The following SIRT2 variants were observed in gnomAD, a reference collection of about 807,000 sequenced individuals.
The protein encoded by SIRT2 is sirtuin 2, also known as NAD-dependent protein deacetylase sirtuin-2.
Under a neutral mutation model 57.4 loss-of-function variants are expected in SIRT2, and 40 were observed. The observed-to-expected ratio is 0.70, with a 90% CI of 0.54 to 0.91. SIRT2 has a LOEUF of 0.91. SIRT2 is among the 40% of genes least tolerant of loss of function. The pLI, the probability that SIRT2 is intolerant of heterozygous loss-of-function variation, is 0.00. For missense variants in SIRT2, 439 were observed against 510.4 expected (o/e 0.86, Z 1.35); for synonymous variants, 161 against 195.7 (o/e 0.82, Z 1.48).
At position 38,893,371 on chromosome 19, in the gene SIRT2, C is replaced by T. The variant is rs775846660; in HGVS notation, c.226+43G>A. Reference sequence around the variant, plus strand: ...GCTGGGGATGGGAGGTCACTTGGGGCCAGGAGCCAGGCAAAGTGGCCCAAT... The same window carrying T: ...GCTGGGGATGGGAGGTCACTTGGGGTCAGGAGCCAGGCAAAGTGGCCCAAT... On this transcript the variant is annotated intron_variant, in intron 4 of 15. Transcript: ENST00000249396. 14 of 1,256,082 alleles carry T rather than the reference C, an allele frequency of 1.1e-5. No individual in the cohort carries two copies. The Admixed American group carries it at 1.4e-4, about 12-fold the overall frequency. The allele number at this position is 1,256,082 out of a possible 1,614,324, so 77.8% of individuals were successfully genotyped here.
At chr19:38,881,315 T>G (rs1226178466) in intron 10 of SIRT2, 117 bp downstream of exon 10, 33 of 1,191,662 alleles carry the variant, frequency 2.8e-5, no homozygotes, top group Non-Finnish European at 3.7e-5. Context: ...TCTGGGGCAC[T>G]GTTCAGAGAG....
Position 38,888,963 on chromosome 19 carries a change from C to T in SIRT2, c.501+124G>A, listed in dbSNP as rs1054722623. On this transcript the variant is annotated intron_variant, in intron 8 of 15. Coordinates refer to ENST00000249396, the MANE Select transcript of SIRT2 (RefSeq NM_012237.4). ...TGCAGCAAGGAGGCAGTAGGCCAAG[C>T]CCTGGCCCCGCATTGCTGGAGTCCC... The T allele has an allele frequency of 3.7e-6, 3 of 818,674 alleles. No individual in the cohort carries two copies. In the African/African-American group the frequency reaches 5.0e-5, roughly 14 times the overall value. The allele number at this position is 818,674 out of a possible 1,614,324, so 50.7% of individuals were successfully genotyped here.
Position 38,880,402 on chromosome 19 carries a change from A to AGCAAACCTCCCTGCCGCCCCCCATAG in SIRT2, c.876+282_876+283insCTATGGGGGGCGGCAGGGAGGTTTGC. 1 of 305,712 alleles carries AGCAAACCTCCCTGCCGCCCCCCATAG rather than the reference A, an allele frequency of 3.3e-6. No individual in the cohort carries two copies. Among genetic ancestry groups the AGCAAACCTCCCTGCCGCCCCCCATAG allele is most frequent in the Non-Finnish European group, 5.9e-6 (1 of 170,912 alleles). The allele number at this position is 305,712 out of a possible 1,614,324, so 18.9% of individuals were successfully genotyped here. A position where few individuals can be genotyped will look rare whatever the true frequency, so the allele number is the denominator to read the frequency against. On this transcript the variant is annotated intron_variant, in intron 13 of 15. Transcript: ENST00000249396. This position sits in a 1 kb window ranked among gnomAD's most constrained non-coding sequence, Gnocchi z 4.1. ...GCGTGGACCCAACCCCGCCCCCCGC[A>AGCAAACCTCCCTGCCGCCCCCCATAG]CTGTCTCTCCTGACCCCTGCACCCC...
chr19:38,881,728 C>T (rs1034665840), intron 9 of SIRT2, among the ~76,000 whole-genome samples: 4 of 151,312 alleles, frequency 2.6e-5, no homozygotes, highest in African/African-American at 9.7e-5. Context: ...CACTCTGTTG[C>T]CCGGGCTGGA....
rs200427853 is a variant in SIRT2, at chr19:38,890,178, C to T, written c.227-34G>A. The T allele has an allele frequency of 3.0e-5, 48 of 1,612,748 alleles. No homozygotes were observed. In the Admixed American group the frequency reaches 5.0e-4, roughly 17 times the overall value. On this transcript the variant is annotated intron_variant, in intron 4 of 15. Coordinates refer to ENST00000249396, the MANE Select transcript of SIRT2 (RefSeq NM_012237.4). ...GAGGAACTTATGCACCATATGACAC[C>T]GTTTGCTCAGTCCCTACGATAGCAC...
intron 1 of SIRT2, chr19:38,899,033 G>C (rs1294942330): frequency 4.9e-6 from 1 of 203,296 alleles, no homozygotes; most frequent in Non-Finnish European, 1.0e-5. Flanking sequence ...GTTTAGAAAG[G>C]AAAAGAGAAG....
At chr19:38,895,663 G>A (rs1159302654) in intron 2 of SIRT2, among the ~76,000 whole-genome samples, 2 of 152,230 alleles carry the variant, frequency 1.3e-5, no homozygotes, top group Non-Finnish European at 2.9e-5. Flanking sequence ...CCGGCTGGGC[G>A]TGGTGGCTCA....
Position 38,899,488 on chromosome 19 carries a change from C to A in SIRT2, c.16+18G>T. 1.2e-6 allele frequency: 2 copies of A among 1,613,152 alleles called. No homozygotes were observed. Among genetic ancestry groups the A allele is most frequent in the South Asian group, 1.1e-5 (1 of 91,080 alleles). On this transcript the variant is annotated intron_variant, in intron 1 of 15. Transcript: ENST00000249396. ...GCCCCGGCGCGGCCCGACCCTCCTA[C>A]CCGGATCCCCGACTCACGGTCTGGC...
intron 4 of SIRT2, chr19:38,891,968 T>C (rs1342541364): frequency 1.5e-5 from 7 of 468,312 alleles, no homozygotes; most frequent in South Asian, 9.3e-5. Flanking sequence ...CAGTGGCAGC[T>C]GGAGGACAGG....
At chr19:38,895,078 G>A (rs3136578) in intron 2 of SIRT2, among the ~76,000 whole-genome samples, 64,507 of 142,602 alleles carry the variant, frequency 0.45, 16,573 homozygotes, top group East Asian at 0.83. Context: ...CTCCCTCCTC[G>A]CCCTCCTGCC....
At chr19:38,893,601 C>A (rs1973617323) in intron 3 of SIRT2, 74 bp from the exon 4 acceptor site, 2 of 1,271,810 alleles carry the variant, frequency 1.6e-6, no homozygotes, top group African/African-American at 1.5e-5. Context: ...GCACCCTGGC[C>A]CCAGCCCTGG....
At position 38,883,573 on chromosome 19, in the gene SIRT2, C is replaced by T. The variant is rs1272610793; in HGVS notation, c.631+54G>A. 2.5e-6 allele frequency: 4 copies of T among 1,594,456 alleles called. No homozygotes were observed. The African/African-American group carries it at 4.0e-5, about 16-fold the overall frequency. ...AGAATGGGTGCCCACTGCATGGAGACACTGCTCCTGGTGCTGAGAGGAGGC... is the reference window on the plus strand; with the variant it reads ...AGAATGGGTGCCCACTGCATGGAGATACTGCTCCTGGTGCTGAGAGGAGGC... On this transcript the variant is annotated intron_variant, in intron 9 of 15. Coordinates refer to ENST00000249396, the MANE Select transcript of SIRT2 (RefSeq NM_012237.4).
Position 38,880,716 on chromosome 19 carries a change from C to A in SIRT2, c.845G>T (p.Arg282Leu). The A allele has an allele frequency of 1.3e-6, 2 of 1,595,532 alleles. No individual in the cohort carries two copies. Among genetic ancestry groups the A allele is most frequent in the Non-Finnish European group, 1.7e-6 (2 of 1,168,056 alleles). The change falls in exon 13 of 16, where the codon CGC (arginine) becomes CTC (leucine). Residue 282 changes from arginine to leucine, a missense_variant. Transcript: ENST00000249396. This position sits in a 1 kb window ranked among gnomAD's most constrained non-coding sequence, Gnocchi z 4.1. ...AGCTTTCTCCTTGTTGATGAGCAGG[C>A]GAGGGGTGGAGAGGGGTGCCCTGTG... is the stretch of plus-strand genomic sequence containing the variant. ...LISKAPLSTPRLLINKEKAGQ... is the reference protein window; with the variant it reads ...LISKAPLSTPLLLINKEKAGQ...
rs191559068 is a variant in SIRT2, at chr19:38,884,516, T to C, written c.502-760A>G. 3.5e-3 allele frequency among the ~76,000 whole-genome samples: 532 copies of C among 151,780 alleles called. 5 individuals are homozygous for C. Among genetic ancestry groups the C allele is most frequent in the African/African-American group, 0.012 (515 of 41,332 alleles). On this transcript the variant is annotated intron_variant, in intron 8 of 15. Transcript: ENST00000249396. ...CAGGCTGGAGTGCAGTGGCACAATC[T>C]CGGCTCACTGCAACCTCTGACTCCC...
chr19:38,880,698 T>A lies in SIRT2; in HGVS notation c.863A>T (p.Glu288Val), dbSNP rs377489489. 6.3e-7 allele frequency: 1 copy of A among 1,575,320 alleles called. No homozygotes were observed. Among genetic ancestry groups the A allele is most frequent in the African/African-American group, 1.4e-5 (1 of 73,832 alleles). Residue 288 changes from glutamate (E) to valine (V), a missense_variant, in exon 13 of 16, where the codon GAG becomes GTG. Coordinates refer to ENST00000249396, the MANE Select transcript of SIRT2 (RefSeq NM_012237.4). The surrounding 1 kb of genome is among the most constrained non-coding windows in gnomAD (Gnocchi z 4.1). The stretch of plus-strand genomic sequence containing the variant: ...AAGGGCTCTTACCTGGCCAGCTTTC[T>A]CCTTGTTGATGAGCAGGCGAGGGGT... ...LSTPRLLINK[E>V]KAGQSDPFLG...
rs1361633578 is a variant in SIRT2 at position 38,889,765 on chromosome 19, A to G, written c.376-20T>C. 6.2e-7 allele frequency: 1 copy of G among 1,614,184 alleles called. No individual in the cohort carries two copies. Among genetic ancestry groups the G allele is most frequent in the East Asian group, 2.2e-5 (1 of 44,882 alleles). Reference sequence around the variant, plus strand: ...ATGTTTCTGTAGGAGAGACAGCCAGAGGGCCAGATGCCCCAGGTAGCGTGA... The same window carrying G: ...ATGTTTCTGTAGGAGAGACAGCCAGGGGGCCAGATGCCCCAGGTAGCGTGA... On this transcript the variant is annotated intron_variant, in intron 6 of 15. Transcript: ENST00000249396.
chr19:38,880,570 T>G lies in SIRT2; in HGVS notation c.876+115A>C. 1 of 705,760 alleles carries G rather than the reference T, an allele frequency of 1.4e-6. No individual in the cohort carries two copies. The highest frequency in any genetic ancestry group is 2.4e-6 in the Non-Finnish European group (1 of 414,854). The allele number at this position is 705,760 out of a possible 1,614,324, so 43.7% of individuals were successfully genotyped here. ...CCCCTCTGGATTCTAGAGCCCCAGGTTCTGAGCTGAGGAATGCAAAGTGCT... is the reference window on the plus strand; with the variant it reads ...CCCCTCTGGATTCTAGAGCCCCAGGGTCTGAGCTGAGGAATGCAAAGTGCT... On this transcript the variant is annotated intron_variant, in intron 13 of 15. Transcript: ENST00000249396. The surrounding 1 kb of genome is among the most constrained non-coding windows in gnomAD (Gnocchi z 4.1).
In SIRT2 at chr19:38,881,415, C is replaced by G. The variant is rs755345010; in HGVS notation, c.691+17G>C. 1 of 1,613,664 alleles carries G rather than the reference C, an allele frequency of 6.2e-7. No individual in the cohort carries two copies. The stretch of plus-strand genomic sequence containing the variant: ...CCACCCAAATCCACCTGGGCAGGTC[C>G]CTGGCCAGAGGCTCACCAGGCTTCA... On this transcript the variant is annotated intron_variant, in intron 10 of 15. Transcript: ENST00000249396.
intron 4 of SIRT2, 65 bp from the exon 5 acceptor site, chr19:38,890,209 A>G: frequency 1.9e-6 from 3 of 1,540,440 alleles, no homozygotes; most frequent in Non-Finnish European, 2.7e-6. Flanking sequence ...AGCACCACCC[A>G]TCACAGCCCC....
Sources: allele counts gnomAD v4.1 joint callset (sites outside exome capture counted in the v4.1 genomes callset), GRCh38; gene constraint gnomAD v4.1.1; non-coding constraint Gnocchi (gnomAD v3.1); transcripts MANE v1.5; gene names NCBI Gene and HGNC (gene_info 2026-07-23, HGNC 2026-07-21).